LDLRAD4: variants seen among roughly 807,000 people sequenced by gnomAD.
LDLRAD4 encodes low density lipoprotein receptor class A domain containing 4.
In LDLRAD4, 5 loss-of-function variants were observed where a neutral mutation model predicts 17.0. That is an observed-to-expected ratio of 0.29 (90% CI 0.15 to 0.62). The LOEUF (loss-of-function observed/expected upper bound fraction) is 0.62, where lower values mean the gene tolerates loss of function less well. Among genes scored for constraint, LDLRAD4 ranks in the 20% least tolerant of loss-of-function variants. The pLI, the probability that LDLRAD4 is intolerant of heterozygous loss-of-function variation, is 0.84. For synonymous variants in LDLRAD4, 168 were observed against 171.8 expected (o/e 0.98, Z 0.17); for missense variants, 340 against 424.7 (o/e 0.80, Z 1.75).
At chr18:13,578,558 A>G (rs1375688119) in intron 3 of LDLRAD4, among the ~76,000 whole-genome samples, 1 of 152,224 alleles carries the variant, frequency 6.6e-6, no homozygotes, top group African/African-American at 2.4e-5. Flanking sequence ...GAAGAAACAC[A>G]TAGAAGTATT....
At chr18:13,414,315 T>C (rs1171605402) in intron 2 of LDLRAD4, among the ~76,000 whole-genome samples, 1 of 152,244 alleles carries the variant, frequency 6.6e-6, no homozygotes, top group African/African-American at 2.4e-5. Context: ...CGTTTCATCC[T>C]TGTAGGATGG....
At position 13,450,588 on chromosome 18, in the gene LDLRAD4, G is replaced by A. The variant is rs996820642; in HGVS notation, c.181+12204G>A. ...GGCTGGGCTCTATGGGCAGGTGCAG[G>A]GCTGCAGGGGCTAGGTGACATGGGA... On this transcript the variant is annotated intron_variant, in intron 3 of 5. Transcript: ENST00000359446. Among the ~76,000 whole-genome samples, 8 of 152,224 alleles carry A rather than the reference G, an allele frequency of 5.3e-5. No individual in the cohort carries two copies. In the East Asian group the frequency reaches 1.3e-3, roughly 26 times the overall value.
intron 3 of LDLRAD4, among the ~76,000 whole-genome samples, chr18:13,505,555 C>T (rs2093676333): frequency 6.6e-6 from 1 of 152,210 alleles, no homozygotes; most frequent in Admixed American, 6.5e-5. Flanking sequence ...CACGGTGGCT[C>T]ACGCCTGTAA....
In LDLRAD4 at chr18:13,440,183, A is replaced by G. The variant is rs2090933558; in HGVS notation, c.181+1799A>G. ...CCCGGCCTCTGCTCTGGGGCGCTCC[A>G]CAGGCCTCTTCTGGTCTGCGGGCTC... On this transcript the variant is annotated intron_variant, in intron 3 of 5. Transcript: ENST00000359446. The surrounding 1 kb of genome is among the most constrained non-coding windows in gnomAD (Gnocchi z 4.4). 6.6e-6 allele frequency among the ~76,000 whole-genome samples: 1 copy of G among 152,164 alleles called. No individual in the cohort carries two copies. The highest frequency in any genetic ancestry group is 1.5e-5 in the Non-Finnish European group (1 of 68,044).
intron 2 of LDLRAD4, among the ~76,000 whole-genome samples, chr18:13,404,471 T>C (rs948483691): frequency 6.6e-6 from 1 of 152,336 alleles, no homozygotes; most frequent in African/African-American, 2.4e-5. Flanking sequence ...GCTCCTGTGC[T>C]GGGCGCTGCA....
At chr18:13,586,606 A>G (rs1171142401) in intron 3 of LDLRAD4, among the ~76,000 whole-genome samples, 1 of 151,794 alleles carries the variant, frequency 6.6e-6, no homozygotes, top group African/African-American at 2.4e-5. Flanking sequence ...GTCAATCTCA[A>G]AACAATCTGG....
At chr18:13,239,978 C>A (rs1235797440) in intron 1 of LDLRAD4, 1 of 152,294 alleles carries the variant, frequency 6.6e-6, no homozygotes, top group Non-Finnish European at 1.5e-5. Flanking sequence ...CTGGCCCGTG[C>A]AACTCTCCTC....
intron 2 of LDLRAD4, among the ~76,000 whole-genome samples, 155 bp from the exon 4 acceptor site, chr18:13,438,089 C>T (rs564466659): frequency 6.6e-6 from 1 of 152,298 alleles, no homozygotes; most frequent in African/African-American, 2.4e-5. Context: ...CCCAGATGGC[C>T]CTTCTCTGAG....
chr18:13,642,046 C>T, intron 4 of LDLRAD4: 10 of 985,462 alleles, frequency 1.0e-5, no homozygotes, highest in Non-Finnish European at 1.2e-5. Context: ...CCGCCCTCGT[C>T]TGTGCCTGCC....
intron 3 of LDLRAD4, among the ~76,000 whole-genome samples, chr18:13,554,052 A>T (rs1037659289): frequency 6.6e-6 from 1 of 151,840 alleles, no homozygotes; most frequent in Non-Finnish European, 1.5e-5. Flanking sequence ...ACATGATCCC[A>T]CTTTTGTCTG....
Position 13,621,110 on chromosome 18 carries a change from A to G in LDLRAD4, c.182-7A>G, listed in dbSNP as rs1253036133. ...AGGTGGCTAACCACTCTCCTCTTCC[A>G]TGGCAGCGGAGCTGGAGTTCGCCCA... On this transcript the variant is annotated splice_region_variant and splice_polypyrimidine_tract_variant and intron_variant, in intron 3 of 5. Coordinates refer to ENST00000359446, the Ensembl canonical transcript of LDLRAD4. The surrounding 1 kb of genome is among the most constrained non-coding windows in gnomAD (Gnocchi z 5.5). 2.5e-6 allele frequency: 4 copies of G among 1,614,010 alleles called. No individual in the cohort carries two copies. The African/African-American group carries it at 4.0e-5, about 16-fold the overall frequency.
At chr18:13,272,482 GAGA>G (rs1238022563) in intron 1 of LDLRAD4, among the ~76,000 whole-genome samples, 1 of 152,222 alleles carries the variant, frequency 6.6e-6, no homozygotes, top group Non-Finnish European at 1.5e-5. Flanking sequence ...TCTATTTGGG[GAGA>G]AGAACACTCA....
At chr18:13,431,813 A>G (rs947878221) in intron 2 of LDLRAD4, among the ~76,000 whole-genome samples, 1 of 152,220 alleles carries the variant, frequency 6.6e-6, no homozygotes, top group Non-Finnish European at 1.5e-5. Context: ...CAGCAGCACC[A>G]CTTAAGATAG....
chr18:13,413,399 C>T (rs541025739), intron 2 of LDLRAD4, among the ~76,000 whole-genome samples: 38 of 152,350 alleles, frequency 2.5e-4, no homozygotes, highest in African/African-American at 8.9e-4. Context: ...ATGTGAGCTT[C>T]TGCGGAAGTT....
chr18:13,418,041 A>G (rs1320181653), intron 2 of LDLRAD4, among the ~76,000 whole-genome samples: 1 of 152,224 alleles, frequency 6.6e-6, no homozygotes, highest in Non-Finnish European at 1.5e-5. Flanking sequence ...AGGTGCTGAC[A>G]GTGCTGGAGG....
chr18:13,580,057 C>T (rs535749439), intron 3 of LDLRAD4, among the ~76,000 whole-genome samples: 45 of 152,354 alleles, frequency 3.0e-4, no homozygotes, highest in African/African-American at 1.0e-3. Context: ...ATGCTTTTCT[C>T]ATGGTCTGTG....
At chr18:13,537,128 T>C (rs936651835) in intron 3 of LDLRAD4, among the ~76,000 whole-genome samples, 9 of 152,242 alleles carry the variant, frequency 5.9e-5, no homozygotes, top group Non-Finnish European at 1.3e-4. Context: ...CAGAGTAGTA[T>C]TGGTTCATAA....
intron 3 of LDLRAD4, among the ~76,000 whole-genome samples, chr18:13,591,551 T>C (rs1228986257): frequency 6.6e-6 from 1 of 152,160 alleles, no homozygotes; most frequent in African/African-American, 2.4e-5. Flanking sequence ...TCTAAAATAG[T>C]GATTCTTAAC....
At chr18:13,356,299 G>A (rs1468372145) in intron 1 of LDLRAD4, among the ~76,000 whole-genome samples, 3 of 152,216 alleles carry the variant, frequency 2.0e-5, no homozygotes, top group Non-Finnish European at 4.4e-5. Context: ...TGAGCCTTTG[G>A]CAGCAGGCGC....
Sources: gnomAD v4.1 joint callset for allele counts (sites outside exome capture counted in the v4.1 genomes callset) on GRCh38, gnomAD v4.1.1 for gene constraint, Gnocchi (gnomAD v3.1) non-coding constraint, MANE v1.5 for transcripts, NCBI Gene and HGNC (gene_info 2026-07-23, HGNC 2026-07-21) for gene names.